Variants in NRCAM observed in about 807,000 individuals in gnomAD.
NRCAM encodes NgCAM-related cell adhesion molecule.
In NRCAM, 83 loss-of-function variants were observed where a neutral mutation model predicts 156.5. The ratio of observed to expected loss-of-function variants is 0.53; its 90% CI spans 0.44 to 0.64. NRCAM has a LOEUF of 0.64. Among genes scored for constraint, NRCAM ranks in the 30% least tolerant of loss-of-function variants. NRCAM has a pLI of 0.00. For missense variants in NRCAM, 1,417 were observed against 1,597.3 expected, an observed-to-expected ratio of 0.89 and a Z score of 1.92; for synonymous variants, 538 against 563.9, an observed-to-expected ratio of 0.95 and a Z score of 0.65.
At chr7:108,442,364 C>G (rs1039885047) in intron 1 of NRCAM, among the ~76,000 whole-genome samples, 5 of 152,008 alleles carry the variant, frequency 3.3e-5, no homozygotes, top group Non-Finnish European at 7.4e-5. Context: ...CCACTCCTAA[C>G]TGTGTAGAGG....
At chr7:108,209,835 T>C (rs1213893007) in intron 11 of NRCAM, among the ~76,000 whole-genome samples, 1 of 152,242 alleles carries the variant, frequency 6.6e-6, no homozygotes, top group African/African-American at 2.4e-5. Flanking sequence ...ATGTCAATGA[T>C]ACAGTATGAA....
rs554765297 is a variant in NRCAM, at chr7:108,303,591, T to G, written c.-107+9074A>C. ...ATGGAATCCCATAATCTATCCCAAA[T>G]TCCTGGCCACAGATGACCTCTCCAA... On this transcript the variant is annotated intron_variant, in intron 3 of 32. Coordinates refer to ENST00000379028, the MANE Select transcript of NRCAM (RefSeq NM_001037132.4). 5.4e-4 allele frequency among the ~76,000 whole-genome samples: 82 copies of G among 152,240 alleles called. 1 individual carries two copies. Among genetic ancestry groups the G allele is most frequent in the African/African-American group, 1.9e-3 (81 of 41,540 alleles).
chr7:108,444,604 G>T (rs1157295282), intron 1 of NRCAM, among the ~76,000 whole-genome samples: 1 of 152,116 alleles, frequency 6.6e-6, no homozygotes, highest in Non-Finnish European at 1.5e-5. Context: ...GCTTCTAGTG[G>T]TTTGCTGGCA....
At chr7:108,276,561 CT>C (rs376238776) in intron 3 of NRCAM, among the ~76,000 whole-genome samples, 92 of 144,868 alleles carry the variant, frequency 6.4e-4, no homozygotes, top group Middle Eastern at 3.7e-3. Flanking sequence ...GTAACTCCTG[CT>C]TTTTTTTTTT....
At chr7:108,285,384 C>A (rs2098053782) in intron 3 of NRCAM, among the ~76,000 whole-genome samples, 1 of 152,140 alleles carries the variant, frequency 6.6e-6, no homozygotes, top group East Asian at 1.9e-4. Context: ...TCAGGGGGTA[C>A]TATCAGGGAA....
At chr7:108,179,316 A>T (rs1054622689) in intron 25 of NRCAM, among the ~76,000 whole-genome samples, 1 of 152,080 alleles carries the variant, frequency 6.6e-6, no homozygotes, top group Non-Finnish European at 1.5e-5. Context: ...AAAACTTACA[A>T]TGAGATGGGA....
chr7:108,161,914 A>G (rs2049297100), intron 30 of NRCAM, among the ~76,000 whole-genome samples: 1 of 152,238 alleles, frequency 6.6e-6, no homozygotes, highest in Non-Finnish European at 1.5e-5. Flanking sequence ...GAGCTGTATC[A>G]TAGCCACACA....
chr7:108,251,736 T>C (rs1191835542), intron 3 of NRCAM, among the ~76,000 whole-genome samples: 1 of 152,212 alleles, frequency 6.6e-6, no homozygotes, highest in Non-Finnish European at 1.5e-5. Context: ...CAGTCCCCTC[T>C]CAGACAGGAG....
At chr7:108,216,093 T>C (rs895311526) in intron 11 of NRCAM, among the ~76,000 whole-genome samples, 1 of 152,240 alleles carries the variant, frequency 6.6e-6, no homozygotes, top group Non-Finnish European at 1.5e-5. Context: ...GGAGATCTTG[T>C]AAGGCAGGCC....
At position 108,442,113 on chromosome 7, in the gene NRCAM, C is replaced by T. The variant is rs117674227; in HGVS notation, c.-332+14130G>A. 7.1e-3 allele frequency among the ~76,000 whole-genome samples: 1,082 copies of T among 152,266 alleles called. 3 individuals carry two copies. The highest frequency in any genetic ancestry group is 0.012 in the Non-Finnish European group (783 of 68,022). ...ATACCTCGGGAGCAGGCTGCCCATACAGTAATACCTTGGGATCAGTAGGCT... is the reference window on the plus strand; with the variant it reads ...ATACCTCGGGAGCAGGCTGCCCATATAGTAATACCTTGGGATCAGTAGGCT... On this transcript the variant is annotated intron_variant, in intron 1 of 32. Transcript: ENST00000379028.
At chr7:108,281,346 C>A (rs1304197737) in intron 3 of NRCAM, among the ~76,000 whole-genome samples, 2 of 151,852 alleles carry the variant, frequency 1.3e-5, no homozygotes, top group Non-Finnish European at 2.9e-5. Context: ...AATAAAAAAA[C>A]GAATGATGAG....
chr7:108,395,379 C>T (rs928896898), intron 2 of NRCAM, among the ~76,000 whole-genome samples: 2 of 152,174 alleles, frequency 1.3e-5, no homozygotes, highest in East Asian at 1.9e-4. Flanking sequence ...CATTGTCCTC[C>T]ACCAAAATGG....
chr7:108,440,636 C>CT (rs1283463780), intron 1 of NRCAM, among the ~76,000 whole-genome samples: 37 of 152,322 alleles, frequency 2.4e-4, no homozygotes, highest in African/African-American at 8.9e-4. Context: ...GGTAACTCTA[C>CT]TGATTGCTCT....
At chr7:108,300,877 C>T (rs140911631) in intron 3 of NRCAM, among the ~76,000 whole-genome samples, 7 of 151,986 alleles carry the variant, frequency 4.6e-5, no homozygotes, top group East Asian at 1.9e-4. Flanking sequence ...AAAAAAATTA[C>T]GTTTTTTTAA....
intron 1 of NRCAM, among the ~76,000 whole-genome samples, chr7:108,434,169 T>G (rs901238406): frequency 6.6e-6 from 1 of 152,148 alleles, no homozygotes; most frequent in African/African-American, 2.4e-5. Context: ...TGCATCTGCT[T>G]CCATCCCACA....
At position 108,312,887 on chromosome 7, in the gene NRCAM, A is replaced by C. The variant is rs528187873; in HGVS notation, c.-173-156T>G. ...GACAAATCATGACTAGATTTGCCAAAACATATCTCTGCTGGCTTCAATCAA... is the reference window on the plus strand; with the variant it reads ...GACAAATCATGACTAGATTTGCCAACACATATCTCTGCTGGCTTCAATCAA... On this transcript the variant is annotated intron_variant, in intron 2 of 32. Coordinates refer to ENST00000379028, the MANE Select transcript of NRCAM (RefSeq NM_001037132.4). Among the ~76,000 whole-genome samples the C allele has an allele frequency of 7.2e-5, 11 of 152,310 alleles. No individual in the cohort carries two copies. The South Asian group carries it at 2.3e-3, about 32-fold the overall frequency.
chr7:108,204,863 G>T (rs577945557), intron 13 of NRCAM, among the ~76,000 whole-genome samples: 2 of 152,130 alleles, frequency 1.3e-5, no homozygotes, highest in Admixed American at 6.5e-5. Flanking sequence ...AGACAATTTA[G>T]GGTTACAAGA....
intron 30 of NRCAM, among the ~76,000 whole-genome samples, chr7:108,165,841 T>G (rs907307829): frequency 6.6e-6 from 1 of 152,250 alleles, no homozygotes; most frequent in African/African-American, 2.4e-5. Flanking sequence ...GTGTAATGTA[T>G]TCTACAGGAT....
chr7:108,371,494 A>G (rs1362661991), intron 2 of NRCAM, among the ~76,000 whole-genome samples: 1 of 152,170 alleles, frequency 6.6e-6, no homozygotes, highest in East Asian at 1.9e-4. Context: ...GGCTGCACAG[A>G]GGGAGATGAT....
Sources: gnomAD v4.1 joint callset for allele counts (sites outside exome capture counted in the v4.1 genomes callset) on GRCh38, gnomAD v4.1.1 for gene constraint, MANE v1.5 for transcripts, NCBI Gene and HGNC (gene_info 2026-07-23, HGNC 2026-07-21) for gene names.